Variants in FMN2 observed in about 807,000 individuals in gnomAD.
The protein encoded by FMN2 is formin-2.
A neutral mutation model predicts 142.3 loss-of-function variants in FMN2; 51 were observed. The ratio of observed to expected loss-of-function variants is 0.36; its 90% CI spans 0.29 to 0.45. The LOEUF is 0.45. Ranked by LOEUF, FMN2 falls within the 20% of genes least tolerant of loss-of-function variation. The pLI, the probability that FMN2 is intolerant of heterozygous loss-of-function variation, is 1.00. For synonymous variants in FMN2, 882 were observed against 869.8 expected, an observed-to-expected ratio of 1.01 and a Z score of -0.25; for missense variants, 1,936 against 2,122.8, an observed-to-expected ratio of 0.91 and a Z score of 1.73.
chr1:240,417,281 G>A (rs529582907), intron 15 of FMN2, among the ~76,000 whole-genome samples: 6 of 151,318 alleles, frequency 4.0e-5, no homozygotes, highest in Admixed American at 6.6e-5. Flanking sequence ...ACTGGGGTAC[G>A]TCTTACAGTG....
chr1:240,186,949 T>C (rs557007092), intron 3 of FMN2, among the ~76,000 whole-genome samples: 20 of 152,118 alleles, frequency 1.3e-4, no homozygotes, highest in African/African-American at 4.6e-4. Flanking sequence ...TGTGGCTAAA[T>C]TGGAAATGTC....
intron 1 of FMN2, among the ~76,000 whole-genome samples, chr1:240,109,059 A>G (rs1300012216): frequency 6.6e-6 from 1 of 152,106 alleles, no homozygotes; most frequent in African/African-American, 2.4e-5. Context: ...AAAACCCAAA[A>G]AACCCACATG....
intron 8 of FMN2, among the ~76,000 whole-genome samples, chr1:240,297,721 A>AT (rs1429130061): frequency 2.0e-5 from 3 of 152,066 alleles, no homozygotes; most frequent in Non-Finnish European, 2.9e-5. Context: ...ATCTTATCTT[A>AT]CTTCATGAAA....
intron 2 of FMN2, among the ~76,000 whole-genome samples, chr1:240,124,105 C>T (rs962215589): frequency 5.3e-5 from 8 of 152,132 alleles, no homozygotes; most frequent in Non-Finnish European, 8.8e-5. Context: ...CCACCTTTTG[C>T]TGTAATGCTG....
At chr1:240,124,894 CTGA>C (rs1317313850) in intron 2 of FMN2, among the ~76,000 whole-genome samples, 3 of 152,242 alleles carry the variant, frequency 2.0e-5, no homozygotes, top group Middle Eastern at 3.4e-3. Context: ...TCTTGAACTC[CTGA>C]CCTCGTGATC....
At position 240,472,356 on chromosome 1, in the gene FMN2, G is replaced by A; in HGVS notation, c.5061-16G>A. The A allele has an allele frequency of 6.3e-6, 10 of 1,599,416 alleles. No individual in the cohort carries two copies. Among genetic ancestry groups the A allele is most frequent in the Non-Finnish European group, 8.5e-6 (10 of 1,171,018 alleles). On this transcript the variant is annotated splice_polypyrimidine_tract_variant and intron_variant, in intron 16 of 17. Transcript: ENST00000319653. The stretch of plus-strand genomic sequence containing the variant: ...AAGTAGGTTTTGTTTAAATACATGT[G>A]TCTTCTCCCCATCAGAGTAAAAGAA...
chr1:240,286,060 G>A (rs1669580161), intron 7 of FMN2, among the ~76,000 whole-genome samples: 1 of 152,070 alleles, frequency 6.6e-6, no homozygotes, highest in South Asian at 2.1e-4. Context: ...AGCATTTTCG[G>A]TGTGGGTTTT....
At chr1:240,111,728 C>T (rs1018526992) in intron 1 of FMN2, among the ~76,000 whole-genome samples, 1 of 152,110 alleles carries the variant, frequency 6.6e-6, no homozygotes. Context: ...TCTTAACCTC[C>T]TGGGAATGCA....
At chr1:240,234,958 G>T (rs971740794) in intron 6 of FMN2, among the ~76,000 whole-genome samples, 1 of 152,106 alleles carries the variant, frequency 6.6e-6, no homozygotes, top group Non-Finnish European at 1.5e-5. Context: ...ATTTCAGATT[G>T]TTCAAGGATC....
At chr1:240,094,745 A>G (rs1661140986) in intron 1 of FMN2, among the ~76,000 whole-genome samples, 2 of 152,362 alleles carry the variant, frequency 1.3e-5, no homozygotes, top group South Asian at 4.1e-4. Context: ...GAAGGATTAA[A>G]CATTTCAAAT....
At chr1:240,442,506 C>A (rs759432796) in intron 16 of FMN2, among the ~76,000 whole-genome samples, 2 of 152,176 alleles carry the variant, frequency 1.3e-5, no homozygotes, top group Non-Finnish European at 2.9e-5. Flanking sequence ...ATTTATTAAG[C>A]CTTTAAAATC....
chr1:240,116,221 C>T (rs749133304), intron 1 of FMN2, among the ~76,000 whole-genome samples: 1 of 152,202 alleles, frequency 6.6e-6, no homozygotes, highest in Non-Finnish European at 1.5e-5. Flanking sequence ...GAGCTCCGCT[C>T]TGTCTTCAGA....
chr1:240,389,142 A>G (rs753561310), intron 14 of FMN2, among the ~76,000 whole-genome samples: 6 of 152,294 alleles, frequency 3.9e-5, no homozygotes, highest in East Asian at 1.9e-4. Context: ...TATCTCTTGT[A>G]TGCAATTCAC....
intron 14 of FMN2, among the ~76,000 whole-genome samples, chr1:240,374,830 C>T (rs149851883): frequency 5.1e-4 from 78 of 152,290 alleles, no homozygotes; most frequent in East Asian, 3.3e-3. Flanking sequence ...GTCTGTCTCA[C>T]GCAAGAGAAC....
intron 16 of FMN2, among the ~76,000 whole-genome samples, chr1:240,459,729 A>G (rs1425577418): frequency 1.4e-3 from 150 of 103,740 alleles, no homozygotes; most frequent in African/African-American, 6.7e-3. Context: ...AAAAAAAAAA[A>G]AAAAAAAAAA....
chr1:240,331,454 A>G (rs953261442), intron 11 of FMN2, among the ~76,000 whole-genome samples: 8 of 152,018 alleles, frequency 5.3e-5, no homozygotes, highest in African/African-American at 1.9e-4. Context: ...AAAGAGTTAC[A>G]TTTCTCTGAT....
chr1:240,204,715 C>T (rs1179785911), intron 4 of FMN2, among the ~76,000 whole-genome samples: 2 of 152,104 alleles, frequency 1.3e-5, no homozygotes, highest in Non-Finnish European at 2.9e-5. Context: ...CACGCTATTG[C>T]ACTCCAGCCT....
At chr1:240,226,160 T>A (rs1667290135) in intron 6 of FMN2, among the ~76,000 whole-genome samples, 1 of 152,152 alleles carries the variant, frequency 6.6e-6, no homozygotes, top group South Asian at 2.1e-4. Flanking sequence ...CTTCTCAACT[T>A]TATGAAAAAC....
intron 15 of FMN2, among the ~76,000 whole-genome samples, chr1:240,396,277 C>A (rs997187648): frequency 1.7e-4 from 25 of 151,002 alleles, no homozygotes; most frequent in African/African-American, 5.8e-4. Context: ...GGTCTGGAAC[C>A]AAACCCACAA....
Sources: gnomAD v4.1 joint callset for allele counts (sites outside exome capture counted in the v4.1 genomes callset) on GRCh38, gnomAD v4.1.1 for gene constraint, MANE v1.5 for transcripts, NCBI Gene and HGNC (gene_info 2026-07-23, HGNC 2026-07-21) for gene names.